The following TRRAP variants were observed in gnomAD, a reference collection of about 807,000 sequenced individuals.
TRRAP encodes transformation/transcription domain associated protein, also known as transformation/transcription domain-associated protein.
TRRAP carries 41 observed loss-of-function variants against 438.8 expected under a neutral mutation model. That is an observed-to-expected ratio of 0.09 (90% CI 0.07 to 0.12). TRRAP has a LOEUF of 0.12. TRRAP is among the 10% of genes least tolerant of loss of function. The pLI is 1.00. For synonymous variants in TRRAP, 1,994 were observed against 1,962.9 expected, an observed-to-expected ratio of 1.02 and a Z score of -0.42; for missense variants, 3,122 against 5,055.1, an observed-to-expected ratio of 0.62 and a Z score of 11.60.
Position 98,888,261 on chromosome 7 carries a change from A to G in TRRAP, c.151-2074A>G, listed in dbSNP as rs143305779. Among the ~76,000 whole-genome samples the G allele has an allele frequency of 1.4e-3, 209 of 144,956 alleles. 1 individual carries two copies. The highest frequency in any genetic ancestry group is 4.2e-3 in the African/African-American group (165 of 39,140). ...AAAAAAAAGTTGAACTCCAGTCCAG[A>G]TGTGGCGGCTCATGCCTGTAATTCC... On this transcript the variant is annotated intron_variant, in intron 3 of 72. Coordinates refer to ENST00000456197, the MANE Select transcript of TRRAP (RefSeq NM_001375524.1).
chr7:98,937,129 G>A, intron 28 of TRRAP, 27 bp from the exon 29 acceptor site: 2 of 1,576,374 alleles, frequency 1.3e-6, no homozygotes, highest in South Asian at 2.4e-5. Context: ...GTTAATAATG[G>A]AATTGTCTTG....
chr7:98,991,869 T>A (rs1793445441), intron 64 of TRRAP, among the ~76,000 whole-genome samples: 2 of 152,192 alleles, frequency 1.3e-5, no homozygotes, highest in African/African-American at 4.8e-5. Flanking sequence ...AAGGAAAGCG[T>A]GGTTTCCCTG....
At chr7:98,922,709 C>T (rs376441040) in intron 21 of TRRAP, among the ~76,000 whole-genome samples, 1 of 152,236 alleles carries the variant, frequency 6.6e-6, no homozygotes, top group South Asian at 2.1e-4. Context: ...AGCGGATCCA[C>T]GTGAGTTGGG....
At chr7:98,997,921 A>G (rs1464747226) in intron 67 of TRRAP, among the ~76,000 whole-genome samples, 1 of 152,232 alleles carries the variant, frequency 6.6e-6, no homozygotes, top group African/African-American at 2.4e-5. Flanking sequence ...TGTTTGTGGT[A>G]TTACATTTTT....
chr7:98,908,954 A>G lies in TRRAP; in HGVS notation c.1342A>G (p.Met448Val). ...CAATGGGAGAGACGTCCTGATGCGG[A>G]TGCTGGAGGTACCAGCTCTTCTGAG... ...SGNGRDVLMR[M>V]LEVFVLKFHT... The change falls in exon 14 of 73, where the codon ATG becomes GTG. Residue 448 changes from methionine (M) to valine (V), a missense_variant. Coordinates refer to ENST00000456197, the MANE Select transcript of TRRAP (RefSeq NM_001375524.1). The surrounding 1 kb of genome is among the most constrained non-coding windows in gnomAD (Gnocchi z 4.1). 1 of 1,610,168 alleles carries G rather than the reference A, an allele frequency of 6.2e-7. No individual in the cohort carries two copies. Among genetic ancestry groups the G allele is most frequent in the Non-Finnish European group, 8.5e-7 (1 of 1,177,950 alleles).
chr7:98,963,485 C>T (rs908357091), intron 47 of TRRAP, among the ~76,000 whole-genome samples: 6 of 152,132 alleles, frequency 3.9e-5, no homozygotes, highest in South Asian at 4.1e-4. Flanking sequence ...TGTGGGGTGT[C>T]GAAGGCCGGG....
In TRRAP at chr7:98,910,275, G is replaced by T. The variant is rs113402444; in HGVS notation, c.1570G>T (p.Val524Leu). The T allele has an allele frequency of 7.9e-7, 1 of 1,260,476 alleles. No individual in the cohort carries two copies. The allele number at this position is 1,260,476 out of a possible 1,614,324, so 78.1% of individuals were successfully genotyped here. ...PPATPVTPAP[V>L]PPFEKQGEKD... ...TGCCACCCCTGTGACCCCGGCCCCC[G>T]TGCCTCCCTTCGAGAAGCAAGGAGA... The change falls in exon 15 of 73, where the codon GTG becomes TTG. Residue 524 changes from valine to leucine, a missense_variant. By Grantham distance (32) the Val-to-Leu change is conservative. Coordinates refer to ENST00000456197, the MANE Select transcript of TRRAP (RefSeq NM_001375524.1).
intron 3 of TRRAP, among the ~76,000 whole-genome samples, chr7:98,888,136 A>G (rs1466220402): frequency 6.6e-6 from 1 of 152,080 alleles, no homozygotes; most frequent in Non-Finnish European, 1.5e-5. Context: ...AGGCTGAGGC[A>G]GGAGAATGGC....
intron 12 of TRRAP, 102 bp from the exon 13 acceptor site, chr7:98,906,075 A>G: frequency 1.2e-6 from 1 of 835,660 alleles, no homozygotes; most frequent in Non-Finnish European, 1.8e-6. Flanking sequence ...TCTGGATTGC[A>G]TATCAGACTG....
Position 98,910,497 on chromosome 7 carries a change from TTC to T in TRRAP, c.1715-9_1715-8del, listed in dbSNP as rs577591351. 396 of 1,614,044 alleles carry T rather than the reference TTC, an allele frequency of 2.5e-4. No individual in the cohort carries two copies. In the African/African-American group the frequency reaches 4.1e-3, roughly 17 times the overall value. The stretch of plus-strand genomic sequence containing the variant: ...TTTATTCAAGTTAACTTAATATACT[TTC>T]TCTTTTCCAGAAGCTCAGTTCATTC... On this transcript the variant is annotated splice_polypyrimidine_tract_variant and intron_variant, in intron 15 of 72. Transcript: ENST00000456197.
rs1554420281 is a variant in TRRAP, at chr7:98,958,058, T to C, written c.6309T>C (p.Thr2103=). 2 of 1,614,160 alleles carry C rather than the reference T, an allele frequency of 1.2e-6. No homozygotes were observed. Among genetic ancestry groups the C allele is most frequent in the Non-Finnish European group, 1.7e-6 (2 of 1,180,020 alleles). ...AKPIDKQHTD[T]VVNFLIRVAC... ...CCATTGACAAGCAGCACACAGACAC[T>C]GTGGTGAACTTCCTTATCCGCGTGG... is the stretch of plus-strand genomic sequence containing the variant. The change falls in exon 44 of 73, where the codon ACT becomes ACC. Residue 2103 remains threonine (T), a synonymous_variant. Transcript: ENST00000456197.
intron 53 of TRRAP, among the ~76,000 whole-genome samples, chr7:98,973,890 G>T (rs1461803219): frequency 1.3e-5 from 2 of 152,224 alleles, no homozygotes; most frequent in Non-Finnish European, 2.9e-5. Context: ...TCTTAGCAGG[G>T]TGTGGTTCTC....
At position 98,983,407 on chromosome 7, in the gene TRRAP, C is replaced by T. The variant is rs148646770; in HGVS notation, c.8970C>T (p.Asp2990=). The change falls in exon 60 of 73, where the codon GAC becomes GAT. Residue 2990 remains aspartate, a synonymous_variant. Transcript: ENST00000456197. Reference sequence around the variant, plus strand: ...GGAACCGACTGCCCATCGTGTCTGACGACTTGTCCCACTGGAGCAGCATCT... The same window carrying T: ...GGAACCGACTGCCCATCGTGTCTGATGACTTGTCCCACTGGAGCAGCATCT... ...TWRNRLPIVS[D]DLSHWSSIFM... is the part of the protein sequence containing the mutation. The T allele has an allele frequency of 1.3e-5, 21 of 1,614,078 alleles. No individual in the cohort carries two copies. Among genetic ancestry groups the T allele is most frequent in the South Asian group, 2.2e-5 (2 of 91,082 alleles).
intron 39 of TRRAP, among the ~76,000 whole-genome samples, chr7:98,952,559 A>G (rs2116622611): frequency 6.6e-6 from 1 of 152,356 alleles, no homozygotes; most frequent in East Asian, 1.9e-4. Flanking sequence ...ACCAAAAAGT[A>G]TCTGAGACGG....
At position 98,905,420 on chromosome 7, in the gene TRRAP, C is replaced by T. The variant is rs541528863; in HGVS notation, c.1037-757C>T. On this transcript the variant is annotated intron_variant, in intron 12 of 72. Coordinates refer to ENST00000456197, the MANE Select transcript of TRRAP (RefSeq NM_001375524.1). Reference sequence around the variant, plus strand: ...CAGCTGGCTTTATGTCAGGCTTATTCCAGAACCTGAACACCCTTTGGGATG... The same window carrying T: ...CAGCTGGCTTTATGTCAGGCTTATTTCAGAACCTGAACACCCTTTGGGATG... Among the ~76,000 whole-genome samples the T allele has an allele frequency of 8.9e-4, 135 of 152,312 alleles. 1 individual carries two copies. The highest frequency in any genetic ancestry group is 1.6e-3 in the Non-Finnish European group (112 of 68,034).
intron 21 of TRRAP, 130 bp from the exon 22 acceptor site, chr7:98,924,982 G>A (rs1789979730): frequency 3.1e-6 from 4 of 1,289,204 alleles, no homozygotes; most frequent in Admixed American, 3.0e-5. Flanking sequence ...TCCAGCCCAG[G>A]CGACAGAGCG....
intron 30 of TRRAP, among the ~76,000 whole-genome samples, chr7:98,942,362 G>A (rs1421077858): frequency 6.6e-6 from 1 of 152,210 alleles, no homozygotes; most frequent in Non-Finnish European, 1.5e-5. Context: ...CTTCTGTGCT[G>A]TCAGGGCCTT....
chr7:98,935,435 C>A, intron 27 of TRRAP, 144 bp from the exon 28 acceptor site: 1 of 639,440 alleles, frequency 1.6e-6, no homozygotes, highest in Non-Finnish European at 2.5e-6. Context: ...TACTTTGATA[C>A]TTAAAATCTT....
chr7:98,900,245 G>A (rs1228796444), intron 10 of TRRAP, among the ~76,000 whole-genome samples: 5 of 152,156 alleles, frequency 3.3e-5, no homozygotes, highest in South Asian at 2.1e-4. Flanking sequence ...CTTGGAGCCC[G>A]TCTGGCTGTG....
Sources: allele counts gnomAD v4.1 joint callset (sites outside exome capture counted in the v4.1 genomes callset), GRCh38; gene constraint gnomAD v4.1.1; non-coding constraint Gnocchi (gnomAD v3.1); transcripts MANE v1.5; gene names NCBI Gene and HGNC (gene_info 2026-07-23, HGNC 2026-07-21).